The following RAB11FIP3 variants were observed in gnomAD, a reference collection of about 807,000 sequenced individuals.
RAB11FIP3 encodes rab11 family-interacting protein 3.
In RAB11FIP3, 17 loss-of-function variants were observed where a neutral mutation model predicts 77.8. The ratio of observed to expected loss-of-function variants is 0.22; its 90% confidence interval spans 0.15 to 0.33. The LOEUF is 0.33. Among genes scored for constraint, RAB11FIP3 ranks in the 10% least tolerant of loss-of-function variants. RAB11FIP3 has a pLI of 1.00. For missense variants in RAB11FIP3, 1,005 were observed against 1,011.2 expected, an observed-to-expected ratio of 0.99 and a Z score of 0.08; for synonymous variants, 437 against 448.2, an observed-to-expected ratio of 0.98 and a Z score of 0.31.
intron 9 of RAB11FIP3, among the ~76,000 whole-genome samples, chr16:511,943 C>T (rs1050141061): frequency 6.7e-6 from 1 of 148,524 alleles, no homozygotes; most frequent in Non-Finnish European, 1.5e-5. Context: ...GGCCCGCCCA[C>T]CCCAGAACCT....
chr16:427,863 GC>G (rs1275315486), intron 1 of RAB11FIP3, among the ~76,000 whole-genome samples: 1 of 152,134 alleles, frequency 6.6e-6, no homozygotes, highest in Admixed American at 6.6e-5. Context: ...ACTTTAGGAG[GC>G]CGAGGCGGGC....
At chr16:445,888 G>A (rs1403296137) in intron 1 of RAB11FIP3, among the ~76,000 whole-genome samples, 2 of 152,186 alleles carry the variant, frequency 1.3e-5, no homozygotes, top group African/African-American at 4.8e-5. Context: ...TATGGCCTGA[G>A]CACCTAGCAG....
At chr16:518,131 C>T (rs943930419) in intron 9 of RAB11FIP3, among the ~76,000 whole-genome samples, 2 of 152,184 alleles carry the variant, frequency 1.3e-5, no homozygotes, top group African/African-American at 2.4e-5. Flanking sequence ...TAGGCTGGAG[C>T]GCAGTGGCGG....
chr16:464,265 C>T (rs1162381360), intron 2 of RAB11FIP3, among the ~76,000 whole-genome samples: 1 of 152,198 alleles, frequency 6.6e-6, no homozygotes, highest in East Asian at 1.9e-4. Flanking sequence ...CTGATGGGGC[C>T]GTGTCTCAGT....
chr16:438,063 C>T (rs2055160779), intron 1 of RAB11FIP3, among the ~76,000 whole-genome samples: 1 of 151,778 alleles, frequency 6.6e-6, no homozygotes, highest in Non-Finnish European at 1.5e-5. Flanking sequence ...CCCACCTTGG[C>T]CTCCCAAAGT....
intron 2 of RAB11FIP3, among the ~76,000 whole-genome samples, chr16:468,285 C>T (rs2055751662): frequency 7.0e-6 from 1 of 143,602 alleles, no homozygotes; most frequent in African/African-American, 2.6e-5. Flanking sequence ...GGAGGAGGTG[C>T]AGGGGCGTCA....
rs1415350693 is a variant in RAB11FIP3 at position 426,624 on chromosome 16, C to T, written c.618C>T (p.Arg206=). 3.8e-6 allele frequency: 6 copies of T among 1,592,362 alleles called. No individual in the cohort carries two copies. In the African/African-American group the frequency reaches 6.8e-5, roughly 18 times the overall value. Residue 206 remains arginine (R), a synonymous_variant, in exon 1 of 14, where the codon CGC becomes CGT. Coordinates refer to ENST00000262305, the MANE Select transcript of RAB11FIP3 (RefSeq NM_014700.4). The surrounding 1 kb of genome is among the most constrained non-coding windows in gnomAD (Gnocchi z 5.0). Reference sequence around the variant, plus strand: ...TGGGGAGTCAGGAGGACGGCCCCCGCCTCCGAGCCGTGTTCGATGCCCTGG... The same window carrying T: ...TGGGGAGTCAGGAGGACGGCCCCCGTCTCCGAGCCGTGTTCGATGCCCTGG... The part of the protein sequence containing the change: ...EPVGSQEDGP[R]LRAVFDALDG...
intron 4 of RAB11FIP3, among the ~76,000 whole-genome samples, chr16:487,254 C>T (rs1416455857): frequency 6.6e-6 from 1 of 152,070 alleles, no homozygotes; most frequent in African/African-American, 2.4e-5. Flanking sequence ...TCTCAGCCTC[C>T]CGAGTAGCTG....
chr16:430,363 AGTTGC>A (rs567954949), intron 1 of RAB11FIP3, among the ~76,000 whole-genome samples: 69 of 152,250 alleles, frequency 4.5e-4, no homozygotes, highest in African/African-American at 1.3e-3. Context: ...TCACTTAAGC[AGTTGC>A]GTTTTAATAG....
chr16:518,881 C>G, intron 9 of RAB11FIP3, 62 bp from the exon 10 acceptor site: 1 of 1,559,032 alleles, frequency 6.4e-7, no homozygotes, highest in Non-Finnish European at 8.8e-7. Flanking sequence ...AGACACAGGG[C>G]ACACTGGCCC....
At chr16:503,158 G>C (rs777337325) in intron 7 of RAB11FIP3, 61 bp downstream of exon 7, 3 of 1,397,820 alleles carry the variant, frequency 2.1e-6, no homozygotes, top group Non-Finnish European at 3.0e-6. Flanking sequence ...CCACGCCTAA[G>C]GGCCGCTGCA....
At chr16:519,573 G>A (rs1446832219) in intron 10 of RAB11FIP3, among the ~76,000 whole-genome samples, 181 bp from the exon 11 acceptor site, 1 of 152,228 alleles carries the variant, frequency 6.6e-6, no homozygotes, top group Non-Finnish European at 1.5e-5. Context: ...CCCAGAAGCA[G>A]GTGGCCTTGA....
intron 2 of RAB11FIP3, among the ~76,000 whole-genome samples, chr16:469,725 A>C (rs115271810): frequency 2.0e-5 from 3 of 152,106 alleles, no homozygotes; most frequent in Non-Finnish European, 4.4e-5. Context: ...GATCTTTGCT[A>C]TATTGCCCAG....
At chr16:483,662 C>T (rs934116483) in intron 4 of RAB11FIP3, among the ~76,000 whole-genome samples, 3 of 152,136 alleles carry the variant, frequency 2.0e-5, no homozygotes, top group Non-Finnish European at 2.9e-5. Flanking sequence ...AATCTCCTCC[C>T]TTCCCAGGTC....
At chr16:428,044 T>G (rs1403953584) in intron 1 of RAB11FIP3, among the ~76,000 whole-genome samples, 3 of 150,484 alleles carry the variant, frequency 2.0e-5, no homozygotes, top group Admixed American at 6.6e-5. Flanking sequence ...GAGCTTGCAG[T>G]GAGCGGAGAT....
rs754308052 is a variant in RAB11FIP3 at position 513,211 on chromosome 16, G to GTTGT, written c.1640+2428_1640+2431dup. Reference sequence around the variant, plus strand: ...AGGGTGGAGGAAGTTGTTTTATACAGTTGTTTGTTTGTTTGTTTGTCTGTT... The same window carrying GTTGT: ...AGGGTGGAGGAAGTTGTTTTATACAGTTGTTTGTTTGTTTGTTTGTTTGTCTGTT... On this transcript the variant is annotated intron_variant, in intron 9 of 13. Transcript: ENST00000262305. Among the ~76,000 whole-genome samples, 6 of 152,064 alleles carry GTTGT rather than the reference G, an allele frequency of 3.9e-5. No homozygotes were observed. The South Asian group carries it at 6.2e-4, about 16-fold the overall frequency.
At chr16:447,474 C>T (rs1225313361) in intron 1 of RAB11FIP3, among the ~76,000 whole-genome samples, 1 of 152,130 alleles carries the variant, frequency 6.6e-6, no homozygotes, top group African/African-American at 2.4e-5. Context: ...CGCAGTGGCT[C>T]ACACCTGTAA....
intron 5 of RAB11FIP3, among the ~76,000 whole-genome samples, chr16:491,913 A>G (rs142586327): frequency 6.6e-6 from 1 of 152,232 alleles, no homozygotes; most frequent in Non-Finnish European, 1.5e-5. Context: ...CTAGCCTAGC[A>G]GAAGAGGTGA....
At chr16:512,253 G>A (rs905211383) in intron 9 of RAB11FIP3, among the ~76,000 whole-genome samples, 3 of 150,522 alleles carry the variant, frequency 2.0e-5, no homozygotes, top group African/African-American at 7.4e-5. Flanking sequence ...GGGGGTGGGT[G>A]GGTTTGAGAT....
Sources: allele counts gnomAD v4.1 joint callset (sites outside exome capture counted in the v4.1 genomes callset), GRCh38; gene constraint gnomAD v4.1.1; non-coding constraint Gnocchi (gnomAD v3.1); transcripts MANE v1.5; gene names NCBI Gene and HGNC (gene_info 2026-07-23, HGNC 2026-07-21).